AUTS2: variants seen among roughly 807,000 people sequenced by gnomAD.
AUTS2 encodes the protein autism susceptibility gene 2 protein.
Under a neutral mutation model 112.4 loss-of-function variants are expected in AUTS2, and 17 were observed. That is an observed-to-expected ratio of 0.15 (90% confidence interval 0.10 to 0.23). The LOEUF is 0.23. Among genes scored for constraint, AUTS2 ranks in the 10% least tolerant of loss-of-function variants. The probability of loss-of-function intolerance (pLI) is 1.00; values close to 1 mark genes in which losing one functional copy is unlikely to be tolerated. For synonymous variants in AUTS2, 751 were observed against 702.7 expected (o/e 1.07, Z -1.09); for missense variants, 1,510 against 1,701.6 (o/e 0.89, Z 1.98).
At chr7:69,659,586 T>TTG (rs1424845811) in intron 1 of AUTS2, among the ~76,000 whole-genome samples, 3 of 142,602 alleles carry the variant, frequency 2.1e-5, no homozygotes, top group East Asian at 2.0e-4. Flanking sequence ...CTTAGTTGTT[T>TTG]TTTTTTTTTT....
chr7:70,506,748 T>A (rs900384832), intron 5 of AUTS2, among the ~76,000 whole-genome samples: 4 of 152,218 alleles, frequency 2.6e-5, no homozygotes, highest in African/African-American at 9.6e-5. Context: ...TGAGTTCAAA[T>A]GTAAGCGTCT....
chr7:70,614,831 C>G (rs75279257), intron 5 of AUTS2, among the ~76,000 whole-genome samples: 1 of 152,236 alleles, frequency 6.6e-6, no homozygotes, highest in Admixed American at 6.5e-5. Context: ...TCACGCTGAG[C>G]ACATTCACTT....
At chr7:70,187,108 A>C (rs761813373) in intron 4 of AUTS2, among the ~76,000 whole-genome samples, 7 of 152,176 alleles carry the variant, frequency 4.6e-5, no homozygotes, top group Non-Finnish European at 7.3e-5. Flanking sequence ...AGTTCAGTGG[A>C]TTGATAGTAG....
At chr7:70,695,497 G>A (rs1809035712) in intron 5 of AUTS2, among the ~76,000 whole-genome samples, 1 of 152,204 alleles carries the variant, frequency 6.6e-6, no homozygotes, top group African/African-American at 2.4e-5. Context: ...GTTCGGCAGC[G>A]GGAGAAAGAA....
chr7:69,662,906 T>C (rs932291131), intron 1 of AUTS2, among the ~76,000 whole-genome samples: 74 of 152,326 alleles, frequency 4.9e-4, no homozygotes, highest in African/African-American at 1.7e-3. Flanking sequence ...TTTGTGATCA[T>C]TTAGCCAGCC....
intron 5 of AUTS2, among the ~76,000 whole-genome samples, chr7:70,453,144 A>C (rs1796598350): frequency 6.6e-6 from 1 of 152,300 alleles, no homozygotes; most frequent in South Asian, 2.1e-4. Context: ...GTGCTTCAGG[A>C]TAAGGGCACC....
intron 4 of AUTS2, among the ~76,000 whole-genome samples, chr7:70,250,246 G>A (rs1310507389): frequency 6.6e-6 from 1 of 152,028 alleles, no homozygotes; most frequent in Non-Finnish European, 1.5e-5. Flanking sequence ...TTACAAATAG[G>A]GATGAAGGTA....
intron 5 of AUTS2, among the ~76,000 whole-genome samples, chr7:70,652,979 G>A (rs1806586373): frequency 6.6e-6 from 1 of 152,010 alleles, no homozygotes; most frequent in Admixed American, 6.6e-5. Flanking sequence ...ACAAGCCCAG[G>A]TGTGGTGGCT....
chr7:70,489,018 A>G (rs1316759605), intron 5 of AUTS2, among the ~76,000 whole-genome samples: 2 of 152,192 alleles, frequency 1.3e-5, no homozygotes, highest in African/African-American at 4.8e-5. Flanking sequence ...CTGTTCAGCA[A>G]AATTTTATTG....
At chr7:70,574,988 A>G (rs1194211986) in intron 5 of AUTS2, among the ~76,000 whole-genome samples, 1 of 152,190 alleles carries the variant, frequency 6.6e-6, no homozygotes, top group Non-Finnish European at 1.5e-5. Flanking sequence ...GAGTCAAGCC[A>G]TCCTTTTCCT....
Position 70,781,769 on chromosome 7 carries a change from T to A in AUTS2, c.2146+13T>A. ...TTCTCTGCCGCTGGTGAGTGTGGGT[T>A]TGGGTGGGGGGACAGAGCTGAGAAA... On this transcript the variant is annotated intron_variant, in intron 15 of 18. Transcript: ENST00000342771. 6.2e-7 allele frequency: 1 copy of A among 1,613,268 alleles called. No homozygotes were observed. The highest frequency in any genetic ancestry group is 1.7e-5 in the Admixed American group (1 of 59,896).
At chr7:70,695,865 A>G (rs1251438618) in intron 5 of AUTS2, among the ~76,000 whole-genome samples, 8 of 152,102 alleles carry the variant, frequency 5.3e-5, no homozygotes, top group Admixed American at 5.2e-4. Context: ...AGATTCAACC[A>G]CTTCATGCCC....
intron 6 of AUTS2, among the ~76,000 whole-genome samples, chr7:70,701,051 G>T (rs970320816): frequency 6.6e-6 from 1 of 152,234 alleles, no homozygotes; most frequent in Non-Finnish European, 1.5e-5. Context: ...GAGCTGACAC[G>T]TGTATCCCTC....
chr7:69,750,466 ACT>A (rs1438163512), intron 1 of AUTS2, among the ~76,000 whole-genome samples: 2 of 148,890 alleles, frequency 1.3e-5, no homozygotes, highest in Non-Finnish European at 3.0e-5. Context: ...TATAACAAAT[ACT>A]ATGTTAGTAG....
intron 4 of AUTS2, among the ~76,000 whole-genome samples, chr7:70,176,204 T>A (rs1372895107): frequency 6.6e-6 from 1 of 152,180 alleles, no homozygotes; most frequent in African/African-American, 2.4e-5. Flanking sequence ...TAGTTTCCAA[T>A]GAAGGATGGA....
chr7:70,718,077 A>G (rs926327463), intron 6 of AUTS2, among the ~76,000 whole-genome samples: 3 of 151,576 alleles, frequency 2.0e-5, no homozygotes, highest in African/African-American at 7.3e-5. Context: ...TTCACTGCCT[A>G]CTCCCACCAC....
At chr7:69,611,704 G>T (rs1341296803) in intron 1 of AUTS2, among the ~76,000 whole-genome samples, 2 of 151,844 alleles carry the variant, frequency 1.3e-5, no homozygotes, top group Non-Finnish European at 1.5e-5. Flanking sequence ...GCCGAGGCGG[G>T]TGGATCACGA....
intron 5 of AUTS2, among the ~76,000 whole-genome samples, chr7:70,445,085 C>G (rs1248739215): frequency 6.6e-6 from 1 of 152,182 alleles, no homozygotes; most frequent in Non-Finnish European, 1.5e-5. Flanking sequence ...TTTATAAGAT[C>G]TGTTTAAGTA....
chr7:69,853,991 T>G (rs1792605554), intron 1 of AUTS2, among the ~76,000 whole-genome samples: 1 of 152,188 alleles, frequency 6.6e-6, no homozygotes, highest in African/African-American at 2.4e-5. Flanking sequence ...ACAGATTTTA[T>G]GAGGTTCCCT....
Sources: allele counts gnomAD v4.1 joint callset (sites outside exome capture counted in the v4.1 genomes callset), GRCh38; gene constraint gnomAD v4.1.1; transcripts MANE v1.5; gene names NCBI Gene and HGNC (gene_info 2026-07-23, HGNC 2026-07-21).